Variants in PKD1L1 observed in about 807,000 individuals in gnomAD.
PKD1L1 encodes the protein polycystin 1 like 1, transient receptor potential channel interacting, also known as polycystin-1-like protein 1.
A neutral mutation model predicts 323.4 loss-of-function variants in PKD1L1; 236 were observed. The observed-to-expected ratio is 0.73, with a 90% CI of 0.66 to 0.81. The LOEUF is 0.81. Ranked by LOEUF, PKD1L1 falls within the 40% of genes least tolerant of loss-of-function variation. The pLI is 0.00. For missense variants in PKD1L1, 3,320 were observed against 3,508.0 expected (o/e 0.95, Z 1.35); for synonymous variants, 1,344 against 1,335.0 (o/e 1.01, Z -0.15).
intron 52 of PKD1L1, among the ~76,000 whole-genome samples, chr7:47,806,677 T>G (rs1784785228): frequency 6.6e-6 from 1 of 152,258 alleles, no homozygotes; most frequent in South Asian, 2.1e-4. Flanking sequence ...GCAGATTTCA[T>G]TAGATGCTGA....
intron 21 of PKD1L1, among the ~76,000 whole-genome samples, chr7:47,878,421 A>G (rs568012189): frequency 1.8e-4 from 27 of 152,222 alleles, no homozygotes; most frequent in Non-Finnish European, 3.4e-4. Context: ...TGAAATTTAC[A>G]TGTCAAATGG....
chr7:47,939,538 CT>C (rs960326201), intron 3 of PKD1L1, among the ~76,000 whole-genome samples: 8 of 152,300 alleles, frequency 5.3e-5, no homozygotes, highest in African/African-American at 1.7e-4. Context: ...AGAGTCACTC[CT>C]CTCACGCTTC....
chr7:47,904,285 C>G (rs1317073539), intron 12 of PKD1L1, 93 bp downstream of exon 12: 2 of 1,533,360 alleles, frequency 1.3e-6, no homozygotes, highest in East Asian at 2.3e-5. Context: ...GACTGACAGG[C>G]AGGTCTCTAT....
intron 7 of PKD1L1, among the ~76,000 whole-genome samples, chr7:47,922,218 A>G (rs1258605697): frequency 1.3e-5 from 2 of 152,118 alleles, no homozygotes; most frequent in Admixed American, 6.5e-5. Context: ...TCAGTGCTCA[A>G]TGTTGCCCAG....
intron 56 of PKD1L1, among the ~76,000 whole-genome samples, chr7:47,783,739 C>A (rs976685682): frequency 6.6e-6 from 1 of 152,152 alleles, no homozygotes; most frequent in African/African-American, 2.4e-5. Flanking sequence ...TCAGAGGGAG[C>A]GTGGCCCTGC....
At chr7:47,940,761 C>T (rs953626935) in intron 2 of PKD1L1, among the ~76,000 whole-genome samples, 5 of 152,284 alleles carry the variant, frequency 3.3e-5, no homozygotes, top group Admixed American at 2.0e-4. Flanking sequence ...ATGTTCCCAC[C>T]CAGGCAATCT....
Position 47,866,607 on chromosome 7 carries a change from A to T in PKD1L1, c.3904T>A (p.Ser1302Thr). 1.9e-6 allele frequency: 3 copies of T among 1,600,444 alleles called. 1 individual carries two copies. Among genetic ancestry groups the T allele is most frequent in the Middle Eastern group, 3.3e-4 (2 of 6,000 alleles). Reference protein sequence around the residue: ...NDCLGEDLYNSSLKNLSTLQL... With the variant: ...NDCLGEDLYNTSLKNLSTLQL... ...AGGGTAGAAAGGTTTTTCAGGCTGGAATTATACCTGAAGGAAACACAAGAG... is the reference window on the plus strand; with the variant it reads ...AGGGTAGAAAGGTTTTTCAGGCTGGTATTATACCTGAAGGAAACACAAGAG... The change falls in exon 25 of 57, where the codon TCC becomes ACC. Residue 1302 changes from serine (S) to threonine (T), a missense_variant. Coordinates refer to ENST00000289672, the MANE Select transcript of PKD1L1 (RefSeq NM_138295.5).
intron 21 of PKD1L1, among the ~76,000 whole-genome samples, chr7:47,880,284 A>ATATATATATTTTTTTTTT (rs1225214936): frequency 1.8e-5 from 1 of 56,818 alleles, no homozygotes; most frequent in Non-Finnish European, 2.8e-5. Context: ...ATATATATAT[A>ATATATATATTTTTTTTTT]TTTTTTTTTT....
intron 18 of PKD1L1, among the ~76,000 whole-genome samples, chr7:47,885,203 A>T (rs1407195481): frequency 3.3e-5 from 5 of 152,182 alleles, no homozygotes; most frequent in African/African-American, 1.2e-4. Context: ...AGAGCATGAG[A>T]CCACCATAGC....
chr7:47,834,271 G>A, intron 40 of PKD1L1, 68 bp downstream of exon 40: 1 of 1,493,158 alleles, frequency 6.7e-7, no homozygotes, highest in Non-Finnish European at 9.3e-7. Context: ...AAGGGAGGAT[G>A]CCAGAGAAAT....
At chr7:47,936,785 T>C in intron 4 of PKD1L1, 61 bp downstream of exon 4, 1 of 1,306,036 alleles carries the variant, frequency 7.7e-7, no homozygotes, top group African/African-American at 1.5e-5. Flanking sequence ...CAATTCTTTG[T>C]AAGTTCCATG....
At chr7:47,925,072 A>G (rs1160199273) in intron 7 of PKD1L1, among the ~76,000 whole-genome samples, 2 of 152,246 alleles carry the variant, frequency 1.3e-5, no homozygotes, top group Non-Finnish European at 2.9e-5. Context: ...CCTAAAATCA[A>G]CAGCCAATAG....
At chr7:47,856,987 C>T (rs763124502) in intron 28 of PKD1L1, among the ~76,000 whole-genome samples, 1 of 152,162 alleles carries the variant, frequency 6.6e-6, no homozygotes, top group Non-Finnish European at 1.5e-5. Flanking sequence ...ACAAAGCTTC[C>T]GAGTGAATGT....
At chr7:47,875,898 TA>T in intron 23 of PKD1L1, among the ~76,000 whole-genome samples, 198 bp downstream of exon 23, 1 of 152,350 alleles carries the variant, frequency 6.6e-6, no homozygotes, top group East Asian at 1.9e-4. Context: ...ATTTAAGATA[TA>T]AAAAACTGAT....
At chr7:47,912,683 G>A (rs1474442809) in intron 8 of PKD1L1, among the ~76,000 whole-genome samples, 3 of 151,780 alleles carry the variant, frequency 2.0e-5, no homozygotes, top group Admixed American at 6.6e-5. Context: ...AGGCGTGGTG[G>A]TGTATGCCTG....
chr7:47,920,659 C>A (rs1787517479), intron 7 of PKD1L1, among the ~76,000 whole-genome samples: 1 of 152,122 alleles, frequency 6.6e-6, no homozygotes, highest in South Asian at 2.1e-4. Context: ...AAGCCATAGT[C>A]ACCAAAACAG....
chr7:47,803,157 C>T, intron 53 of PKD1L1, 53 bp downstream of exon 53: 1 of 1,607,190 alleles, frequency 6.2e-7, no homozygotes, highest in South Asian at 1.1e-5. Flanking sequence ...CTGACGAGTA[C>T]ACAGATCAAT....
the PKD1L1 span, among the ~76,000 whole-genome samples, chr7:47,957,861 A>AT: frequency 0.027 from 3,877 of 143,312 alleles, 102 homozygotes; most frequent in Non-Finnish European, 0.041. Context: ...AATTAAAAAA[A>AT]AATATATATA....
intron 13 of PKD1L1, 101 bp from the exon 14 acceptor site, chr7:47,898,295 T>C (rs1787004768): frequency 1.0e-6 from 1 of 965,984 alleles, no homozygotes; most frequent in South Asian, 1.6e-5. Context: ...TCTCCCATTA[T>C]TTGTTTGCAT....
Sources: allele counts gnomAD v4.1 joint callset (sites outside exome capture counted in the v4.1 genomes callset), GRCh38; gene constraint gnomAD v4.1.1; transcripts MANE v1.5; gene names NCBI Gene and HGNC (gene_info 2026-07-23, HGNC 2026-07-21).